RORA: variants seen among roughly 807,000 people sequenced by gnomAD.
RORA encodes nuclear receptor ROR-alpha.
A neutral mutation model predicts 69.5 loss-of-function variants in RORA; 7 were observed. The ratio of observed to expected loss-of-function variants is 0.10; its 90% CI spans 0.06 to 0.19. The LOEUF (loss-of-function observed/expected upper bound fraction) is 0.19, where lower values mean the gene tolerates loss of function less well. RORA is among the 10% of genes least tolerant of loss of function. The probability of loss-of-function intolerance (pLI) is 1.00; values close to 1 mark genes in which losing one functional copy is unlikely to be tolerated. For synonymous variants in RORA, 261 were observed against 240.8 expected, an observed-to-expected ratio of 1.08 and a Z score of -0.78; for missense variants, 457 against 663.0, an observed-to-expected ratio of 0.69 and a Z score of 3.41.
intron 2 of RORA, among the ~76,000 whole-genome samples, chr15:60,631,799 T>C (rs890219735): frequency 6.6e-6 from 1 of 152,132 alleles, no homozygotes; most frequent in Non-Finnish European, 1.5e-5. Context: ...GGAGCTTCAG[T>C]GTGGGTTAGA....
chr15:60,900,993 T>A (rs1467610247), intron 1 of RORA, among the ~76,000 whole-genome samples: 1 of 152,194 alleles, frequency 6.6e-6, no homozygotes, highest in Non-Finnish European at 1.5e-5. Flanking sequence ...CTGAATATTA[T>A]TCCTTTCCAC....
chr15:61,228,028 C>A (rs1596087504), intron 1 of RORA, among the ~76,000 whole-genome samples: 1 of 152,020 alleles, frequency 6.6e-6, no homozygotes, highest in Non-Finnish European at 1.5e-5. Context: ...CCCCCATCCC[C>A]CCCAACACAC....
At chr15:61,156,920 G>A (rs2079449179) in intron 1 of RORA, among the ~76,000 whole-genome samples, 1 of 152,164 alleles carries the variant, frequency 6.6e-6, no homozygotes, top group African/African-American at 2.4e-5. Flanking sequence ...ATGGTGAGAA[G>A]GATGTTCATC....
At chr15:60,628,994 G>T (rs561141235) in intron 2 of RORA, among the ~76,000 whole-genome samples, 1 of 152,090 alleles carries the variant, frequency 6.6e-6, no homozygotes, top group Non-Finnish European at 1.5e-5. Flanking sequence ...CACATGCTGA[G>T]CCTGAAGTCC....
intron 1 of RORA, among the ~76,000 whole-genome samples, chr15:60,995,200 T>G (rs559899051): frequency 6.6e-6 from 1 of 152,304 alleles, no homozygotes; most frequent in African/African-American, 2.4e-5. Flanking sequence ...TTCTCTTCTT[T>G]CCTTTCCGCA....
intron 1 of RORA, among the ~76,000 whole-genome samples, chr15:61,080,207 T>G (rs140542496): frequency 6.6e-6 from 1 of 152,178 alleles, no homozygotes; most frequent in Non-Finnish European, 1.5e-5. Flanking sequence ...CCAAACCCCA[T>G]GCAAATTTCA....
At chr15:60,796,879 C>G (rs2072505915) in intron 1 of RORA, among the ~76,000 whole-genome samples, 1 of 151,846 alleles carries the variant, frequency 6.6e-6, no homozygotes, top group Non-Finnish European at 1.5e-5. Flanking sequence ...AGGACCCATA[C>G]AGGCTACATC....
intron 1 of RORA, among the ~76,000 whole-genome samples, chr15:60,996,823 T>C (rs1002795936): frequency 6.6e-6 from 1 of 151,368 alleles, no homozygotes; most frequent in South Asian, 2.1e-4. Context: ...AGCAGGAGAA[T>C]GGTGTGAACC....
chr15:61,044,365 C>G (rs1896925929), intron 1 of RORA, among the ~76,000 whole-genome samples: 1 of 152,192 alleles, frequency 6.6e-6, no homozygotes, highest in Admixed American at 6.5e-5. Flanking sequence ...CAGAGTCACT[C>G]TGCCGAGTCG....
At chr15:61,078,351 G>GTGTGTGTT (rs1332287348) in intron 1 of RORA, among the ~76,000 whole-genome samples, 1 of 151,246 alleles carries the variant, frequency 6.6e-6, no homozygotes, top group Non-Finnish European at 1.5e-5. Flanking sequence ...GTGTGTGTGT[G>GTGTGTGTT]TGTGTGTGTG....
chr15:60,974,828 C>T (rs2140354821), intron 1 of RORA, among the ~76,000 whole-genome samples: 1 of 152,280 alleles, frequency 6.6e-6, no homozygotes, highest in East Asian at 1.9e-4. Flanking sequence ...AAGGAGGGGC[C>T]CTCACAGCTT....
At chr15:61,046,301 T>A (rs1015162972) in intron 1 of RORA, among the ~76,000 whole-genome samples, 5 of 152,222 alleles carry the variant, frequency 3.3e-5, no homozygotes, top group African/African-American at 1.2e-4. Context: ...TTGTGCAAAC[T>A]CAACTTCCTT....
At chr15:60,978,285 T>C (rs1396651846) in intron 1 of RORA, among the ~76,000 whole-genome samples, 1 of 152,192 alleles carries the variant, frequency 6.6e-6, no homozygotes, top group Admixed American at 6.5e-5. Context: ...CATGAACATC[T>C]TTTTGCAGTG....
chr15:60,868,430 T>G (rs2073514390), intron 1 of RORA, among the ~76,000 whole-genome samples: 1 of 152,230 alleles, frequency 6.6e-6, no homozygotes, highest in South Asian at 2.1e-4. Context: ...GTAGCCTTTA[T>G]TATTAATGAG....
intron 1 of RORA, among the ~76,000 whole-genome samples, chr15:60,781,083 C>G (rs1436453630): frequency 6.6e-6 from 1 of 152,190 alleles, no homozygotes; most frequent in African/African-American, 2.4e-5. Flanking sequence ...AGAGCTGCAT[C>G]TTTTGGACTC....
intron 2 of RORA, among the ~76,000 whole-genome samples, chr15:60,557,870 G>A (rs1245111800): frequency 6.6e-6 from 1 of 151,672 alleles, no homozygotes; most frequent in East Asian, 1.9e-4. Flanking sequence ...AAAACAAAGA[G>A]GGCAGTTATC....
At chr15:60,864,084 C>G (rs891883766) in intron 1 of RORA, among the ~76,000 whole-genome samples, 1 of 152,090 alleles carries the variant, frequency 6.6e-6, no homozygotes, top group Non-Finnish European at 1.5e-5. Context: ...GGATTATAGG[C>G]GTAAGCCACT....
chr15:60,617,255 T>G (rs573808117), intron 2 of RORA, among the ~76,000 whole-genome samples: 29 of 152,192 alleles, frequency 1.9e-4, no homozygotes, highest in Non-Finnish European at 3.4e-4. Context: ...ATTTGTTGAA[T>G]CAATCAATCA....
chr15:61,078,385 A>G (rs2689351), intron 1 of RORA, among the ~76,000 whole-genome samples: 107,047 of 150,198 alleles, frequency 0.71, 39,005 homozygotes, highest in East Asian at 0.93. Flanking sequence ...TTTTAGTAGA[A>G]ATGGGGTTTC....
Sources: gnomAD v4.1 joint callset for allele counts (sites outside exome capture counted in the v4.1 genomes callset) on GRCh38, gnomAD v4.1.1 for gene constraint, MANE v1.5 for transcripts, NCBI Gene and HGNC (gene_info 2026-07-23, HGNC 2026-07-21) for gene names.